Variants in GALK2 observed in about 807,000 individuals in gnomAD.
GALK2 encodes the protein galactokinase 2.
A neutral mutation model predicts 52.4 loss-of-function variants in GALK2; 36 were observed. The observed-to-expected ratio is 0.69, with a 90% CI of 0.53 to 0.91. The LOEUF (loss-of-function observed/expected upper bound fraction) is 0.91. Ranked by LOEUF, GALK2 falls within the 40% of genes least tolerant of loss-of-function variation. The pLI is 0.00. For synonymous variants in GALK2, 176 were observed against 199.1 expected, an observed-to-expected ratio of 0.88 and a Z score of 0.98; for missense variants, 579 against 559.1, an observed-to-expected ratio of 1.04 and a Z score of -0.36.
At chr15:49,245,801 T>TTA (rs1566973984) in intron 5 of GALK2, among the ~76,000 whole-genome samples, 3 of 152,168 alleles carry the variant, frequency 2.0e-5, no homozygotes, top group African/African-American at 7.2e-5. Flanking sequence ...TTTCCTACAA[T>TTA]GTTACAAAAA....
intron 5 of GALK2, among the ~76,000 whole-genome samples, chr15:49,266,597 C>T (rs149011886): frequency 6.6e-6 from 1 of 152,288 alleles, no homozygotes; most frequent in East Asian, 1.9e-4. Flanking sequence ...CTTCTATGAT[C>T]ATATGAGATA....
chr15:49,256,476 T>A (rs1233033095), intron 5 of GALK2, among the ~76,000 whole-genome samples: 2 of 152,186 alleles, frequency 1.3e-5, no homozygotes, highest in Non-Finnish European at 2.9e-5. Flanking sequence ...TTATTTGATC[T>A]TTTCAGGTTT....
intron 9 of GALK2, among the ~76,000 whole-genome samples, chr15:49,322,550 G>C (rs2036962740): frequency 6.6e-6 from 1 of 152,174 alleles, no homozygotes; most frequent in Non-Finnish European, 1.5e-5. Flanking sequence ...ATAGCCCCAG[G>C]GGAATTAAGT....
At chr15:49,195,052 C>G (rs1471619597) in intron 1 of GALK2, 3 of 449,920 alleles carry the variant, frequency 6.7e-6, no homozygotes, top group Non-Finnish European at 1.3e-5. Flanking sequence ...ACAGGGATAT[C>G]TTTTCATTTC....
rs532905188 is a variant in GALK2 at position 49,175,162 on chromosome 15, T to G, written c.53+4787T>G. Among the ~76,000 whole-genome samples the G allele has an allele frequency of 8.9e-4, 136 of 152,298 alleles. 5 individuals carry two copies. The South Asian group carries it at 0.027, about 31-fold the overall frequency. On this transcript the variant is annotated intron_variant, in intron 1 of 9. Transcript: ENST00000560031. ...TTCGTGGCAGGTTTTAGCATTAAAATGAGGTGGAATTTGGCTCACATAACA... is the reference window on the plus strand; with the variant it reads ...TTCGTGGCAGGTTTTAGCATTAAAAGGAGGTGGAATTTGGCTCACATAACA...
chr15:49,202,003 T>G (rs1398852248), intron 2 of GALK2, among the ~76,000 whole-genome samples: 1 of 152,050 alleles, frequency 6.6e-6, no homozygotes, highest in East Asian at 1.9e-4. Context: ...TCTTATTGTG[T>G]TATTCTCTTT....
chr15:49,218,397 T>G (rs2089548867), intron 3 of GALK2, among the ~76,000 whole-genome samples: 1 of 152,238 alleles, frequency 6.6e-6, no homozygotes, highest in African/African-American at 2.4e-5. Flanking sequence ...AAAATTTACT[T>G]AATCATTCCC....
chr15:49,176,875 A>G (rs1230158462), intron 1 of GALK2, among the ~76,000 whole-genome samples: 1 of 152,172 alleles, frequency 6.6e-6, no homozygotes, highest in Non-Finnish European at 1.5e-5. Context: ...CACAGCTTCT[A>G]TTATTTAGAA....
At chr15:49,316,787 G>A (rs1408121180) in intron 8 of GALK2, among the ~76,000 whole-genome samples, 8 of 152,150 alleles carry the variant, frequency 5.3e-5, no homozygotes, top group Non-Finnish European at 8.8e-5. Context: ...TTTGAAGGAT[G>A]TTCAGTGTCC....
chr15:49,367,677 T>TG, exon 4 of GALK2: 1 of 1,349,240 alleles, frequency 7.4e-7, no homozygotes, highest in Non-Finnish European at 1.0e-6. Context: ...GAATAAAATA[T>TG]AACTTCATAT....
intron 8 of GALK2, among the ~76,000 whole-genome samples, chr15:49,297,665 G>T (rs1394404634): frequency 2.0e-5 from 3 of 152,146 alleles, no homozygotes; most frequent in African/African-American, 7.2e-5. Context: ...ACCTATCCCA[G>T]TACCATTTAT....
intron 3 of GALK2, among the ~76,000 whole-genome samples, chr15:49,233,853 A>G (rs138015617): frequency 1.3e-5 from 2 of 152,216 alleles, no homozygotes; most frequent in East Asian, 3.9e-4. Context: ...GCCACCCAGT[A>G]TTATTATCAC....
chr15:49,260,249 C>A lies in GALK2; in HGVS notation c.504+20882C>A, dbSNP rs910539354. On this transcript the variant is annotated intron_variant, in intron 5 of 9. Transcript: ENST00000560031. ...ACATCCTCTCCAGCACCTGTTGTTT[C>A]CTGACTTTTTAATGATCGCCATTCT... 2.2e-4 allele frequency among the ~76,000 whole-genome samples: 33 copies of A among 151,962 alleles called. 1 individual carries two copies. The highest frequency in any genetic ancestry group is 7.0e-4 in the African/African-American group (29 of 41,520).
chr15:49,179,738 A>C (rs931860773), intron 1 of GALK2, among the ~76,000 whole-genome samples: 1 of 150,832 alleles, frequency 6.6e-6, no homozygotes, highest in Non-Finnish European at 1.5e-5. Context: ...ACTTTGGCCA[A>C]TTCCCCATTT....
chr15:49,332,373 A>G (rs1437983311), downstream of GALK2, among the ~76,000 whole-genome samples: 1 of 152,228 alleles, frequency 6.6e-6, no homozygotes, highest in Non-Finnish European at 1.5e-5. Flanking sequence ...AGGGAGATGG[A>G]AAAGGCCAGT....
At chr15:49,302,826 A>G (rs1459337027) in intron 8 of GALK2, among the ~76,000 whole-genome samples, 2 of 152,166 alleles carry the variant, frequency 1.3e-5, no homozygotes, top group African/African-American at 2.4e-5. Context: ...AATCTGTGAG[A>G]TGGACTTCTA....
At chr15:49,225,599 G>A (rs1012477181) in intron 3 of GALK2, among the ~76,000 whole-genome samples, 3 of 152,204 alleles carry the variant, frequency 2.0e-5, no homozygotes, top group Non-Finnish European at 4.4e-5. Context: ...ACTGGTCCCT[G>A]TGCTAAAAAG....
chr15:49,280,710 G>C (rs2032561977), intron 5 of GALK2, among the ~76,000 whole-genome samples: 1 of 152,148 alleles, frequency 6.6e-6, no homozygotes. Context: ...AAACTGAATA[G>C]ATGAATGAAT....
chr15:49,339,138 G>A (rs1596295257), intron 3 of GALK2, among the ~76,000 whole-genome samples: 1 of 152,136 alleles, frequency 6.6e-6, no homozygotes, highest in Non-Finnish European at 1.5e-5. Flanking sequence ...CTGTCAGTTT[G>A]TCAAACTTAT....
Sources: allele counts gnomAD v4.1 joint callset (sites outside exome capture counted in the v4.1 genomes callset), GRCh38; gene constraint gnomAD v4.1.1; transcripts MANE v1.5; gene names NCBI Gene and HGNC (gene_info 2026-07-23, HGNC 2026-07-21).